The following PLCB1 variants were observed in gnomAD, a reference collection of about 807,000 sequenced individuals.
PLCB1 encodes the protein 1-phosphatidylinositol 4,5-bisphosphate phosphodiesterase beta-1.
Under a neutral mutation model 161.8 loss-of-function variants are expected in PLCB1, and 46 were observed. That is an observed-to-expected ratio of 0.28 (90% CI 0.22 to 0.36). PLCB1 has a LOEUF of 0.36. PLCB1 is among the 10% of genes least tolerant of loss of function. The pLI, the probability that PLCB1 is intolerant of heterozygous loss-of-function variation, is 1.00. For missense variants in PLCB1, 1,016 were observed against 1,472.5 expected, an observed-to-expected ratio of 0.69 and a Z score of 5.07; for synonymous variants, 517 against 503.7, an observed-to-expected ratio of 1.03 and a Z score of -0.35.
intron 2 of PLCB1, among the ~76,000 whole-genome samples, chr20:8,342,672 C>A (rs1230045772): frequency 6.6e-6 from 1 of 152,188 alleles, no homozygotes; most frequent in Non-Finnish European, 1.5e-5. Context: ...AAACCCTGAA[C>A]TGAGTCTAAC....
At chr20:8,279,017 A>G (rs1982742508) in intron 2 of PLCB1, among the ~76,000 whole-genome samples, 1 of 151,968 alleles carries the variant, frequency 6.6e-6, no homozygotes, top group African/African-American at 2.4e-5. Flanking sequence ...AGTGTTGGCA[A>G]GGATGTAGAA....
chr20:8,190,193 C>A (rs775835522), intron 2 of PLCB1, among the ~76,000 whole-genome samples: 1 of 152,028 alleles, frequency 6.6e-6, no homozygotes, highest in African/African-American at 2.4e-5. Flanking sequence ...GTATGCTCTG[C>A]ATTCCTGTGT....
intron 3 of PLCB1, among the ~76,000 whole-genome samples, chr20:8,572,911 T>C (rs1237970102): frequency 1.6e-4 from 24 of 152,114 alleles, no homozygotes; most frequent in Admixed American, 1.6e-3. Context: ...TTTTTGGAGA[T>C]GTAGGCTTGG....
chr20:8,816,817 C>T (rs1985105804), intron 31 of PLCB1, among the ~76,000 whole-genome samples: 1 of 152,170 alleles, frequency 6.6e-6, no homozygotes, highest in East Asian at 1.9e-4. Context: ...AAGTATTCTT[C>T]ATGTTAATGC....
intron 2 of PLCB1, among the ~76,000 whole-genome samples, chr20:8,199,756 A>G (rs982186300): frequency 1.3e-5 from 2 of 152,178 alleles, no homozygotes; most frequent in African/African-American, 4.8e-5. Flanking sequence ...AATAAACTAC[A>G]TAATGAAGAT....
chr20:8,696,946 G>T (rs1441186883), intron 10 of PLCB1, among the ~76,000 whole-genome samples: 1 of 152,124 alleles, frequency 6.6e-6, no homozygotes, highest in Non-Finnish European at 1.5e-5. Context: ...TGTTAGCCAG[G>T]ATGGTCTCGA....
Position 8,881,834 on chromosome 20 carries a change from T to G in PLCB1, c.3636T>G (p.Phe1212Leu). ...ELGGDIPGKE[F>L]DTPL is the part of the protein sequence containing the mutation. ...GAGGAGACATCCCAGGAAAAGAATTTGATACTCCTCTGTGAATGCTCCTGC... is the reference window on the plus strand; with the variant it reads ...GAGGAGACATCCCAGGAAAAGAATTGGATACTCCTCTGTGAATGCTCCTGC... Residue 1212 changes from phenylalanine to leucine, a missense_variant, in exon 32 of 32, where the codon TTT (phenylalanine) becomes TTG (leucine). Phe to Leu is a conservative substitution (Grantham distance 22, BLOSUM62 0). Around this residue, in one of 10 missense-constraint regions of PLCB1, gnomAD observed 398 missense variants for 445.4 expected, o/e 0.89. Transcript: ENST00000338037. 1 of 1,611,866 alleles carries G rather than the reference T, an allele frequency of 6.2e-7. No individual in the cohort carries two copies. Among genetic ancestry groups the G allele is most frequent in the Admixed American group, 1.7e-5 (1 of 60,008 alleles).
Position 8,694,041 on chromosome 20 carries a change from G to A in PLCB1, c.1010-3585G>A, listed in dbSNP as rs111872048. Among the ~76,000 whole-genome samples, 703 of 152,280 alleles carry A rather than the reference G, an allele frequency of 4.6e-3. 6 individuals are homozygous for A. The highest frequency in any genetic ancestry group is 0.015 in the African/African-American group (643 of 41,560). ...CCTATCACTAATCTCAACCTTCAGC[G>A]ATCCGCTAGCCCCAGAAGCTATATT... On this transcript the variant is annotated intron_variant, in intron 10 of 31. Coordinates refer to ENST00000338037, the MANE Select transcript of PLCB1 (RefSeq NM_015192.4).
chr20:8,217,085 C>T (rs1448966140), intron 2 of PLCB1, among the ~76,000 whole-genome samples: 1 of 152,150 alleles, frequency 6.6e-6, no homozygotes, highest in African/African-American at 2.4e-5. Context: ...GTCCACCTCT[C>T]CTAAACCTTG....
intron 3 of PLCB1, among the ~76,000 whole-genome samples, chr20:8,450,428 T>A (rs972460938): frequency 6.6e-6 from 1 of 152,138 alleles, no homozygotes; most frequent in Non-Finnish European, 1.5e-5. Flanking sequence ...GGTAGAGACA[T>A]CCATCAGTTG....
intron 2 of PLCB1, among the ~76,000 whole-genome samples, chr20:8,196,664 A>ATATATATATATATATATATAT (rs397786544): frequency 5.5e-4 from 83 of 149,598 alleles, no homozygotes; most frequent in African/African-American, 1.9e-3. Context: ...ATATATATAT[A>ATATATATATATATATATATAT]AAATATATAT....
At chr20:8,392,993 T>C (rs900497812) in intron 3 of PLCB1, among the ~76,000 whole-genome samples, 3 of 152,168 alleles carry the variant, frequency 2.0e-5, no homozygotes, top group African/African-American at 7.2e-5. Context: ...CCGGAACTCC[T>C]GAAATTAATG....
intron 3 of PLCB1, among the ~76,000 whole-genome samples, chr20:8,501,674 G>T (rs1003418103): frequency 6.6e-6 from 1 of 152,016 alleles, no homozygotes; most frequent in Non-Finnish European, 1.5e-5. Context: ...GAAACATACC[G>T]ATGCCATATC....
rs1457723288 is a variant in PLCB1, at chr20:8,827,635, G to C, written c.3423+37374G>C. ...TAGCTAGTGGCTGTGGTATTGGACA[G>C]TGCCAATATGCAACTTTTCCACAAT... On this transcript the variant is annotated intron_variant, in intron 31 of 31. Coordinates refer to ENST00000338037, the MANE Select transcript of PLCB1 (RefSeq NM_015192.4). Among the ~76,000 whole-genome samples the C allele has an allele frequency of 2.0e-5, 3 of 152,220 alleles. No homozygotes were observed. The East Asian group carries it at 5.8e-4, about 29-fold the overall frequency.
chr20:8,448,550 T>G (rs1030014366), intron 3 of PLCB1, among the ~76,000 whole-genome samples: 1 of 152,224 alleles, frequency 6.6e-6, no homozygotes, highest in Admixed American at 6.5e-5. Context: ...CCCAAGATTG[T>G]GAAAATCCTT....
intron 3 of PLCB1, among the ~76,000 whole-genome samples, chr20:8,444,744 A>G (rs1348754326): frequency 6.6e-6 from 1 of 152,132 alleles, no homozygotes; most frequent in Non-Finnish European, 1.5e-5. Context: ...CACCATTCTA[A>G]CTAGTGTGAG....
At chr20:8,565,848 C>A (rs1986316401) in intron 3 of PLCB1, among the ~76,000 whole-genome samples, 1 of 152,020 alleles carries the variant, frequency 6.6e-6, no homozygotes, top group African/African-American at 2.4e-5. Context: ...TTCCAACTGC[C>A]ATTTTGGACT....
At chr20:8,645,504 C>T (rs1989144561) in intron 4 of PLCB1, among the ~76,000 whole-genome samples, 1 of 151,980 alleles carries the variant, frequency 6.6e-6, no homozygotes, top group South Asian at 2.1e-4. Flanking sequence ...TTGCTCTTTT[C>T]CATTATCTTG....
At chr20:8,657,143 G>A (rs2123318660) in intron 7 of PLCB1, 41 bp from the exon 8 acceptor site, 1 of 1,141,728 alleles carries the variant, frequency 8.8e-7, no homozygotes, top group Non-Finnish European at 1.3e-6. Flanking sequence ...AGCTGGGGAA[G>A]GAAAAAGACC....
Sources: gnomAD v4.1 joint callset for allele counts (sites outside exome capture counted in the v4.1 genomes callset) on GRCh38, gnomAD v4.1.1 for gene constraint, gnomAD v4.1.1 regional missense constraint, MANE v1.5 for transcripts, NCBI Gene and HGNC (gene_info 2026-07-23, HGNC 2026-07-21) for gene names.